Variants in DAB1 observed in about 807,000 individuals in gnomAD.
DAB1 encodes DAB adaptor protein 1.
A neutral mutation model predicts 64.6 loss-of-function variants in DAB1; 15 were observed. The observed-to-expected ratio is 0.23, with a 90% confidence interval of 0.16 to 0.36. DAB1 has a LOEUF of 0.36. Among genes scored for constraint, DAB1 ranks in the 10% least tolerant of loss-of-function variants. DAB1 has a pLI of 1.00. For synonymous variants in DAB1, 235 were observed against 251.9 expected (o/e 0.93, Z 0.64); for missense variants, 596 against 706.7 (o/e 0.84, Z 1.78).
At chr1:57,036,480 T>C (rs553569652) in intron 9 of DAB1, among the ~76,000 whole-genome samples, 1 of 152,314 alleles carries the variant, frequency 6.6e-6, no homozygotes, top group East Asian at 1.9e-4. Context: ...AGTGGGGAGA[T>C]GCTGCCAGCT....
At chr1:57,284,096 C>A (rs1227347690) in intron 2 of DAB1, among the ~76,000 whole-genome samples, 1 of 152,064 alleles carries the variant, frequency 6.6e-6, no homozygotes, top group Non-Finnish European at 1.5e-5. Flanking sequence ...TGAGAATCAT[C>A]CTCATTATGA....
intron 9 of DAB1, among the ~76,000 whole-genome samples, chr1:57,035,279 T>A (rs554682327): frequency 3.9e-5 from 6 of 152,330 alleles, no homozygotes; most frequent in Admixed American, 2.6e-4. Flanking sequence ...CATTTTTTAG[T>A]GTCCAAAATC....
intron 1 of DAB1, among the ~76,000 whole-genome samples, chr1:57,344,140 C>T (rs1351179118): frequency 6.6e-6 from 1 of 152,260 alleles, no homozygotes; most frequent in Non-Finnish European, 1.5e-5. Context: ...TCCCCACCCA[C>T]ATAACCAGTA....
At chr1:57,023,845 A>G (rs960906509) in intron 10 of DAB1, among the ~76,000 whole-genome samples, 4 of 152,182 alleles carry the variant, frequency 2.6e-5, no homozygotes, top group African/African-American at 9.7e-5. Context: ...ATTAAGTGAG[A>G]TTATGTAATT....
chr1:57,951,332 A>ATATATAT (rs1491577001), intron 5 of DAB1, among the ~76,000 whole-genome samples: 1 of 127,716 alleles, frequency 7.8e-6, no homozygotes, highest in Non-Finnish European at 1.8e-5. Flanking sequence ...ATATATATAT[A>ATATATAT]CTTCCCTGGA....
intron 4 of DAB1, among the ~76,000 whole-genome samples, chr1:57,107,323 C>T (rs562281917): frequency 2.5e-4 from 38 of 150,018 alleles, no homozygotes; most frequent in Middle Eastern, 3.4e-3. Flanking sequence ...TGCAGTGAGC[C>T]GAGATTGCAC....
intron 6 of DAB1, among the ~76,000 whole-genome samples, chr1:57,749,659 G>C (rs1246023699): frequency 6.6e-6 from 1 of 152,240 alleles, no homozygotes; most frequent in Non-Finnish European, 1.5e-5. Flanking sequence ...GGCAATTTGA[G>C]TGATGATCCC....
intron 1 of DAB1, among the ~76,000 whole-genome samples, chr1:57,869,172 A>AGTTT (rs1654431190): frequency 6.6e-6 from 1 of 152,144 alleles, no homozygotes; most frequent in South Asian, 2.1e-4. Context: ...AAAGTGACTT[A>AGTTT]TCCTTCGTCT....
intron 3 of DAB1, chr1:58,480,915 G>T: frequency 1.3e-6 from 1 of 759,694 alleles, no homozygotes; most frequent in Non-Finnish European, 2.2e-6. Context: ...AACATAAAAT[G>T]ATAAGGACTG....
intron 5 of DAB1, chr1:58,048,282 A>T: frequency 7.9e-7 from 1 of 1,268,376 alleles, no homozygotes; most frequent in Non-Finnish European, 1.1e-6. Context: ...TAGGGGCCAG[A>T]GCTTCTGCCT....
chr1:57,681,107 T>C (rs758592048), intron 6 of DAB1, among the ~76,000 whole-genome samples: 6 of 152,254 alleles, frequency 3.9e-5, no homozygotes, highest in African/African-American at 1.2e-4. Flanking sequence ...AGCAGTATCA[T>C]ACTGCCTCTG....
intron 6 of DAB1, among the ~76,000 whole-genome samples, chr1:57,804,993 T>C (rs555145345): frequency 2.3e-4 from 35 of 152,322 alleles, no homozygotes; most frequent in Middle Eastern, 3.4e-3. Flanking sequence ...GGGAACAGAA[T>C]CAATCCAAGC....
chr1:58,180,281 CTTTTTTTTTTTTTTT>C (rs869204611), intron 4 of DAB1, among the ~76,000 whole-genome samples: 1 of 61,002 alleles, frequency 1.6e-5, no homozygotes, highest in Non-Finnish European at 2.9e-5. Flanking sequence ...TTTTTCTTTT[CTTTTTTTTTTTTTTT>C]TTTTTTTTTT....
chr1:57,214,437 T>C (rs1569917139), intron 2 of DAB1, among the ~76,000 whole-genome samples: 2 of 152,304 alleles, frequency 1.3e-5, no homozygotes, highest in South Asian at 4.1e-4. Flanking sequence ...GAGATTCTTG[T>C]CTGTCACACT....
intron 6 of DAB1, among the ~76,000 whole-genome samples, chr1:57,778,657 T>C (rs1649927178): frequency 6.6e-6 from 1 of 152,074 alleles, no homozygotes; most frequent in Non-Finnish European, 1.5e-5. Context: ...CTACTTAGAG[T>C]TCTAGTTCTT....
chr1:58,481,057 T>C (rs766615548), intron 3 of DAB1: 1 of 872,078 alleles, frequency 1.1e-6, no homozygotes, highest in East Asian at 2.4e-5. Context: ...TTCTTCGTGA[T>C]ATTTAGGTCT....
At chr1:58,257,529 C>A (rs1660959980) in intron 4 of DAB1, among the ~76,000 whole-genome samples, 1 of 152,172 alleles carries the variant, frequency 6.6e-6, no homozygotes, top group Non-Finnish European at 1.5e-5. Flanking sequence ...ACTCTCCTAA[C>A]TTGCATGAGG....
intron 3 of DAB1, among the ~76,000 whole-genome samples, chr1:58,455,422 A>C (rs1645184447): frequency 1.3e-5 from 2 of 152,238 alleles, no homozygotes; most frequent in Non-Finnish European, 2.9e-5. Flanking sequence ...AATGCGCTGC[A>C]GCAGTCAGAG....
chr1:57,527,044 C>T (rs1644601591), intron 7 of DAB1, among the ~76,000 whole-genome samples: 1 of 152,088 alleles, frequency 6.6e-6, no homozygotes, highest in South Asian at 2.1e-4. Context: ...GAAATGAAGA[C>T]ACAAAAGAGT....
Sources: gnomAD v4.1 joint callset for allele counts (sites outside exome capture counted in the v4.1 genomes callset) on GRCh38, gnomAD v4.1.1 for gene constraint, MANE v1.5 for transcripts, NCBI Gene and HGNC (gene_info 2026-07-23, HGNC 2026-07-21) for gene names.